PCDHA5: variants seen among roughly 807,000 people sequenced by gnomAD.
PCDHA5 encodes the protein protocadherin alpha-5.
Under a neutral mutation model 61.6 loss-of-function variants are expected in PCDHA5, and 43 were observed. The ratio of observed to expected loss-of-function variants is 0.70; its 90% CI spans 0.55 to 0.90. PCDHA5 has a LOEUF of 0.90. PCDHA5 is among the 40% of genes least tolerant of loss of function. The pLI is 0.00. For synonymous variants in PCDHA5, 627 were observed against 543.9 expected, an observed-to-expected ratio of 1.15 and a Z score of -2.13; for missense variants, 1,298 against 1,222.7, an observed-to-expected ratio of 1.06 and a Z score of -0.92.
At chr5:140,927,095 TG>T in intron 1 of PCDHA5, 1 of 1,612,210 alleles carries the variant, frequency 6.2e-7, no homozygotes, top group Non-Finnish European at 8.5e-7. Flanking sequence ...TACTTCGGGG[TG>T]GATCTACCCA....
At chr5:140,956,953 C>T (rs1347983778) in intron 1 of PCDHA5, among the ~76,000 whole-genome samples, 1 of 135,202 alleles carries the variant, frequency 7.4e-6, no homozygotes, top group Non-Finnish European at 1.7e-5. Flanking sequence ...CATTAAAACA[C>T]TGTAATTAAT....
At chr5:140,843,733 T>C (rs2150365726) in intron 1 of PCDHA5, 1 of 1,549,552 alleles carries the variant, frequency 6.5e-7, no homozygotes. Flanking sequence ...CATTTAAATT[T>C]AGAACTCATA....
chr5:140,828,197 C>A, intron 1 of PCDHA5: 1 of 1,614,076 alleles, frequency 6.2e-7, no homozygotes, highest in Non-Finnish European at 8.5e-7. Context: ...CTACTCCGTA[C>A]CCGAGGAGGC....
rs1160767102 is a variant in PCDHA5, at chr5:140,964,322, A to G, written c.2353-14627A>G. On this transcript the variant is annotated intron_variant, in intron 1 of 3. Coordinates refer to ENST00000529859, the MANE Select transcript of PCDHA5 (RefSeq NM_018908.3). ...TACCTACAAGGCCTAAAACAGCATA[A>G]TGGACAACCTGGCAGGTGTCCTTGC... Among the ~76,000 whole-genome samples the G allele has an allele frequency of 2.0e-5, 3 of 152,346 alleles. No individual in the cohort carries two copies. The East Asian group carries it at 5.8e-4, about 29-fold the overall frequency.
chr5:140,875,378 T>C (rs758524366), intron 1 of PCDHA5: 85 of 1,458,484 alleles, frequency 5.8e-5, no homozygotes, highest in Non-Finnish European at 7.4e-5. Context: ...TTACTAAATA[T>C]GTACTTACAG....
At chr5:140,827,922 C>A in intron 1 of PCDHA5, 1 of 952,492 alleles carries the variant, frequency 1.0e-6, no homozygotes, top group Non-Finnish European at 1.6e-6. Context: ...TCGCTGTCTA[C>A]CATGAAGTTA....
chr5:140,879,578 A>G (rs1298190690), intron 1 of PCDHA5, among the ~76,000 whole-genome samples: 4 of 152,244 alleles, frequency 2.6e-5, no homozygotes, highest in African/African-American at 9.6e-5. Context: ...AATTGCCAAG[A>G]CAGACATTGA....
In PCDHA5 at chr5:140,991,838, G is replaced by A. The variant is rs1056330823; in HGVS notation, c.2500+9275G>A. 3.3e-5 allele frequency among the ~76,000 whole-genome samples: 5 copies of A among 152,110 alleles called. No homozygotes were observed. In the East Asian group the frequency reaches 9.6e-4, roughly 29 times the overall value. ...TTTAGGCATTTATAACGGCAGAACC[G>A]CACTTCCAGATACCAAAATCTGTAT... On this transcript the variant is annotated intron_variant, in intron 3 of 3. Transcript: ENST00000529859.
intron 1 of PCDHA5, chr5:140,861,406 T>C (rs1301419453): frequency 2.3e-5 from 11 of 470,150 alleles, no homozygotes; most frequent in African/African-American, 2.2e-4. Flanking sequence ...CTTGTGGAGC[T>C]GATACCGCGC....
intron 1 of PCDHA5, chr5:140,875,955 T>C: frequency 6.2e-7 from 1 of 1,614,158 alleles, no homozygotes; most frequent in African/African-American, 1.3e-5. Flanking sequence ...CTGATGCGGA[T>C]ATCGGCGTAA....
At chr5:140,965,352 T>C (rs1474672624) in intron 1 of PCDHA5, among the ~76,000 whole-genome samples, 1 of 152,166 alleles carries the variant, frequency 6.6e-6, no homozygotes, top group Admixed American at 6.5e-5. Context: ...GTTGCCTCTA[T>C]AGCAGTACAA....
At chr5:140,884,659 A>G in intron 1 of PCDHA5, 1 of 1,597,068 alleles carries the variant, frequency 6.3e-7, no homozygotes, top group Non-Finnish European at 8.5e-7. Flanking sequence ...AATGCTTGAA[A>G]GAGGTAAGCT....
intron 1 of PCDHA5, among the ~76,000 whole-genome samples, chr5:140,907,480 C>A (rs1300090409): frequency 6.6e-6 from 1 of 152,212 alleles, no homozygotes; most frequent in Admixed American, 6.5e-5. Flanking sequence ...GCAGGATAGG[C>A]AAACCCATAT....
In PCDHA5 at chr5:140,937,572, G is replaced by C. The variant is rs113857647; in HGVS notation, c.2353-41377G>C. On this transcript the variant is annotated intron_variant, in intron 1 of 3. Transcript: ENST00000529859. ...GCAGAGGTTGCAGTGAGCTGGGATC[G>C]CGTCACTGCACTCTAGCCTGGGCAA... Among the ~76,000 whole-genome samples, 273 of 151,500 alleles carry C rather than the reference G, an allele frequency of 1.8e-3. 1 individual carries two copies. Among genetic ancestry groups the C allele is most frequent in the African/African-American group, 6.4e-3 (263 of 41,048 alleles).
chr5:141,010,193 T>C lies in PCDHA5; in HGVS notation c.*256T>C, dbSNP rs782116962. Reference sequence around the variant, plus strand: ...CCTAAAAAGCAGACCCAAGTTTCCTTTCTCCTCCGCCGCAAAGGAGAGGCT... The same window carrying C: ...CCTAAAAAGCAGACCCAAGTTTCCTCTCTCCTCCGCCGCAAAGGAGAGGCT... On this transcript the variant is annotated 3_prime_UTR_variant, in exon 4 of 4. Transcript: ENST00000529859. 7.7e-6 allele frequency: 12 copies of C among 1,552,398 alleles called. No individual in the cohort carries two copies. The South Asian group carries it at 1.3e-4, about 17-fold the overall frequency.
rs2150128699 is a variant in PCDHA5 at position 140,823,744 on chromosome 5, C to A, written c.1969C>A (p.Pro657Thr). ...LVLVKDHGEP[P>T]LTATATVLVS... ...GCTGGTGAAGGACCATGGAGAGCCC[C>A]CGCTGACAGCCACAGCCACAGTGCT... The change falls in exon 1 of 4, where the codon CCG becomes ACG. Residue 657 changes from proline (P) to threonine (T), a missense_variant. Transcript: ENST00000529859. The A allele has an allele frequency of 1.2e-6, 2 of 1,613,854 alleles. No homozygotes were observed. Among genetic ancestry groups the A allele is most frequent in the Non-Finnish European group, 1.7e-6 (2 of 1,179,928 alleles).
At chr5:140,837,881 G>T (rs1360398902) in intron 1 of PCDHA5, among the ~76,000 whole-genome samples, 2 of 151,490 alleles carry the variant, frequency 1.3e-5, no homozygotes, top group Admixed American at 6.6e-5. Flanking sequence ...GTGGAGTCTT[G>T]TTTCCCAGGC....
chr5:140,926,997 C>G (rs782110120), intron 1 of PCDHA5: 4 of 1,612,104 alleles, frequency 2.5e-6, no homozygotes, highest in African/African-American at 2.7e-5. Flanking sequence ...GGGGCGTAGC[C>G]GTAGGCAATC....
intron 1 of PCDHA5, among the ~76,000 whole-genome samples, chr5:140,890,446 T>A (rs1554184296): frequency 6.6e-6 from 1 of 152,228 alleles, no homozygotes; most frequent in Non-Finnish European, 1.5e-5. Context: ...CCTAGTGATA[T>A]CTTTAGGCAC....
Sources: gnomAD v4.1 joint callset for allele counts (sites outside exome capture counted in the v4.1 genomes callset) on GRCh38, gnomAD v4.1.1 for gene constraint, MANE v1.5 for transcripts, NCBI Gene and HGNC (gene_info 2026-07-23, HGNC 2026-07-21) for gene names.